SPOP: variants seen among roughly 807,000 people sequenced by gnomAD.
SPOP encodes the protein speckle type BTB/POZ protein, also known as speckle-type POZ protein.
SPOP carries 11 observed loss-of-function variants against 45.6 expected under a neutral mutation model. The ratio of observed to expected loss-of-function variants is 0.24; its 90% CI spans 0.15 to 0.40. The LOEUF (loss-of-function observed/expected upper bound fraction) is 0.40, where lower values mean the gene tolerates loss of function less well. Among genes scored for constraint, SPOP ranks in the 10% least tolerant of loss-of-function variants. SPOP has a pLI of 1.00. For missense variants in SPOP, 152 were observed against 465.6 expected (o/e 0.33, Z 6.20); for synonymous variants, 166 against 166.3 (o/e 1.00, Z 0.01).
chr17:49,657,696 CTTTTTTTTT>C (rs34194099), intron 1 of SPOP, among the ~76,000 whole-genome samples: 127 of 100,970 alleles, frequency 1.3e-3, no homozygotes, highest in Middle Eastern at 0.018. Context: ...CGCACCCGGC[CTTTTTTTTT>C]TTTTTTTTTT....
chr17:49,630,607 C>CTTTCT (rs10625408), intron 1 of SPOP, among the ~76,000 whole-genome samples: 108,273 of 151,304 alleles, frequency 0.72, 39,386 homozygotes, highest in East Asian at 1. Context: ...TTTTTGTTTT[C>CTTTCT]TTTAAATTTT....
intron 1 of SPOP, among the ~76,000 whole-genome samples, chr17:49,671,433 G>A (rs749537018): frequency 2.0e-4 from 30 of 151,864 alleles, no homozygotes; most frequent in African/African-American, 2.9e-4. Context: ...CATCTAGGAC[G>A]GGAAAAATAC....
intron 6 of SPOP, among the ~76,000 whole-genome samples, chr17:49,610,355 A>C (rs2071945267): frequency 6.6e-6 from 1 of 152,024 alleles, no homozygotes; most frequent in Non-Finnish European, 1.5e-5. Flanking sequence ...AGCAGCTGGT[A>C]TTACAGGCGC....
At position 49,622,662 on chromosome 17, in the gene SPOP, G is replaced by A; in HGVS notation, c.78+71C>T. ...AAAGCAAGAAGCCCAATGTAGAAAA[G>A]CAATCCTACTCCTTTCGTCCACCAA... On this transcript the variant is annotated intron_variant, in intron 2 of 9. Transcript: ENST00000504102. The A allele has an allele frequency of 3.0e-6, 4 of 1,341,974 alleles. No individual in the cohort carries two copies. The South Asian group carries it at 3.5e-5, about 12-fold the overall frequency. The allele number at this position is 1,341,974 out of a possible 1,614,324, so 83.1% of individuals were successfully genotyped here.
chr17:49,642,188 A>ATT (rs2072668128), intron 1 of SPOP, among the ~76,000 whole-genome samples: 1 of 152,134 alleles, frequency 6.6e-6, no homozygotes, highest in Admixed American at 6.6e-5. Flanking sequence ...TATATATACT[A>ATT]TTTAAGTTTG....
At chr17:49,665,645 T>TACACACACACACACAC (rs1357014381) in intron 1 of SPOP, among the ~76,000 whole-genome samples, 1 of 62,402 alleles carries the variant, frequency 1.6e-5, no homozygotes. Flanking sequence ...TATATATATA[T>TACACACACACACACAC]ACAGACACAC....
chr17:49,605,673 G>C (rs2071827295), intron 8 of SPOP, among the ~76,000 whole-genome samples: 1 of 138,632 alleles, frequency 7.2e-6, no homozygotes. Context: ...CTGGGCAACA[G>C]AATGAGACTC....
intron 1 of SPOP, among the ~76,000 whole-genome samples, chr17:49,667,434 C>T (rs898859354): frequency 1.0e-4 from 15 of 150,518 alleles, no homozygotes; most frequent in African/African-American, 3.2e-4. Flanking sequence ...TACTAAAATA[C>T]GAAAATTAGC....
At chr17:49,634,084 A>C (rs879782932) in intron 1 of SPOP, among the ~76,000 whole-genome samples, 1 of 152,146 alleles carries the variant, frequency 6.6e-6, no homozygotes, top group Non-Finnish European at 1.5e-5. Flanking sequence ...ACTGGGAAAT[A>C]CCTGAAATGG....
chr17:49,665,645 TACAGACACAC>T (rs1204995661), intron 1 of SPOP, among the ~76,000 whole-genome samples: 1 of 62,402 alleles, frequency 1.6e-5, no homozygotes, highest in Non-Finnish European at 3.0e-5. Context: ...TATATATATA[TACAGACACAC>T]ACACACACAC....
At chr17:49,607,658 A>G (rs1052457514) in intron 7 of SPOP, among the ~76,000 whole-genome samples, 4 of 152,164 alleles carry the variant, frequency 2.6e-5, no homozygotes, top group African/African-American at 9.7e-5. Context: ...ACCCTCACCC[A>G]AAACTGTGTG....
chr17:49,656,641 A>G (rs1435347010), intron 1 of SPOP, among the ~76,000 whole-genome samples: 1 of 152,162 alleles, frequency 6.6e-6, no homozygotes, highest in Non-Finnish European at 1.5e-5. Flanking sequence ...GTCAAGTCCT[A>G]CCTTGTTCTG....
Position 49,600,372 on chromosome 17 carries a change from AG to A in SPOP, c.*5del, listed in dbSNP as rs767314540. On this transcript the variant is annotated 3_prime_UTR_variant, in exon 10 of 10. Coordinates refer to ENST00000504102, the MANE Select transcript of SPOP (RefSeq NM_001007228.2). The surrounding 1 kb of genome is among the most constrained non-coding windows in gnomAD (Gnocchi z 4.2). ...AATTAAACGGAGTCTTACAACAAGC[AG>A]GATCTTAGGATTGCTTCAGGCGTTT... is the stretch of plus-strand genomic sequence containing the variant. 1.9e-6 allele frequency: 3 copies of A among 1,613,974 alleles called. No homozygotes were observed. Among genetic ancestry groups the A allele is most frequent in the Non-Finnish European group, 2.5e-6 (3 of 1,179,966 alleles).
chr17:49,627,680 T>A (rs773211695), intron 1 of SPOP, among the ~76,000 whole-genome samples: 15 of 152,242 alleles, frequency 9.9e-5, no homozygotes, highest in Non-Finnish European at 1.8e-4. Flanking sequence ...ATAACTGGTT[T>A]ATTTTAATGC....
At chr17:49,674,087 C>T (rs2073170581) in intron 1 of SPOP, among the ~76,000 whole-genome samples, 1 of 152,012 alleles carries the variant, frequency 6.6e-6, no homozygotes, top group East Asian at 1.9e-4. Context: ...GCAGAGGTTG[C>T]GGTGAGTCGA....
chr17:49,654,716 C>T (rs1319788283), intron 1 of SPOP, among the ~76,000 whole-genome samples: 2 of 151,912 alleles, frequency 1.3e-5, no homozygotes, highest in African/African-American at 2.4e-5. Context: ...ACCTGGGAGG[C>T]GGAGGTTGCA....
chr17:49,670,286 C>T (rs11870879), intron 1 of SPOP, among the ~76,000 whole-genome samples: 52,182 of 152,094 alleles, frequency 0.34, 9,239 homozygotes, highest in Non-Finnish European at 0.38. Flanking sequence ...AAAGCAGCTA[C>T]TAGGTCTTAT....
Position 49,619,722 on chromosome 17 carries a change from G to A in SPOP, c.201-337C>T, listed in dbSNP as rs1057449646. 6.6e-6 allele frequency among the ~76,000 whole-genome samples: 1 copy of A among 151,994 alleles called. No individual in the cohort carries two copies. Among genetic ancestry groups the A allele is most frequent in the Non-Finnish European group, 1.5e-5 (1 of 68,008 alleles). On this transcript the variant is annotated intron_variant, in intron 3 of 9. Transcript: ENST00000504102. The surrounding 1 kb of genome is among the most constrained non-coding windows in gnomAD (Gnocchi z 4.9). ...CTAATTTTTGTAGAGATGGGGTTTC[G>A]CCATATTGCCCAGGCTGGTCTTGAA...
At chr17:49,622,201 C>G (rs1425153892) in intron 2 of SPOP, 134 bp from the exon 3 acceptor site, 2 of 1,158,964 alleles carry the variant, frequency 1.7e-6, no homozygotes, top group Non-Finnish European at 2.5e-6. Context: ...TCAGGTTTTT[C>G]TCACCTTATG....
Sources: allele counts gnomAD v4.1 joint callset (sites outside exome capture counted in the v4.1 genomes callset), GRCh38; gene constraint gnomAD v4.1.1; non-coding constraint Gnocchi (gnomAD v3.1); transcripts MANE v1.5; gene names NCBI Gene and HGNC (gene_info 2026-07-23, HGNC 2026-07-21).